The following MYO3A variants were observed in gnomAD, a reference collection of about 807,000 sequenced individuals.
MYO3A encodes the protein myosin IIIA.
In MYO3A, 180 loss-of-function variants were observed where a neutral mutation model predicts 192.7. That is an observed-to-expected ratio of 0.93 (90% CI 0.83 to 1.06). MYO3A has a LOEUF of 1.06. Among genes scored for constraint, MYO3A ranks in the 50% least tolerant of loss-of-function variants. MYO3A has a pLI of 0.00. For synonymous variants in MYO3A, 628 were observed against 645.3 expected (o/e 0.97, Z 0.41); for missense variants, 1,896 against 1,905.0 (o/e 1.00, Z 0.09).
intron 10 of MYO3A, among the ~76,000 whole-genome samples, chr10:26,064,143 G>C (rs147399144): frequency 2.6e-4 from 40 of 152,282 alleles, no homozygotes; most frequent in African/African-American, 9.1e-4. Context: ...AAATAGAGCA[G>C]GAAAAGGGTG....
intron 32 of MYO3A, among the ~76,000 whole-genome samples, chr10:26,194,243 G>C (rs1207268530): frequency 1.3e-5 from 2 of 152,106 alleles, no homozygotes; most frequent in Non-Finnish European, 2.9e-5. Flanking sequence ...CCATACCTTT[G>C]AGCATGCTCC....
chr10:26,174,621 A>G lies in MYO3A; in HGVS notation c.4293+64A>G. ...CTGGGAACTATACAATAACTGAATTAAACACATAATTAATAACTGGTAGAT... is the reference window on the plus strand; with the variant it reads ...CTGGGAACTATACAATAACTGAATTGAACACATAATTAATAACTGGTAGAT... On this transcript the variant is annotated intron_variant, in intron 30 of 34. Transcript: ENST00000642920. 2.2e-6 allele frequency: 3 copies of G among 1,342,722 alleles called. No individual in the cohort carries two copies. The South Asian group carries it at 3.8e-5, about 17-fold the overall frequency. The allele number at this position is 1,342,722 out of a possible 1,614,324, so 83.2% of individuals were successfully genotyped here.
At chr10:26,085,117 C>T (rs1298434374) in intron 14 of MYO3A, among the ~76,000 whole-genome samples, 4 of 152,124 alleles carry the variant, frequency 2.6e-5, no homozygotes, top group Admixed American at 6.5e-5. Context: ...TCTCTACTTT[C>T]ATTTTTTATT....
chr10:26,049,678 T>TTC (rs1433524795), intron 10 of MYO3A, among the ~76,000 whole-genome samples: 3 of 110,062 alleles, frequency 2.7e-5, no homozygotes, highest in East Asian at 2.1e-4. Flanking sequence ...TCTTTCTTTT[T>TTC]TTTTTTTTTT....
chr10:26,067,006 T>G lies in MYO3A; in HGVS notation c.985T>G (p.Phe329Val), dbSNP rs1476757206. Reference sequence around the variant, plus strand: ...ACGTATTCACACGAAGAAAGGGAACTTCAACCGACCTCTAATATCCAATCT... The same window carrying G: ...ACGTATTCACACGAAGAAAGGGAACGTCAACCGACCTCTAATATCCAATCT... ...RERIHTKKGNFNRPLISNLKD... is the reference protein window; with the variant it reads ...RERIHTKKGNVNRPLISNLKD... The change falls in exon 11 of 35, where the codon TTC (phenylalanine) becomes GTC (valine). Residue 329 changes from phenylalanine (F) to valine (V), a missense_variant. Physicochemically the swap from Phe to Val is conservative, Grantham distance 50. Coordinates refer to ENST00000642920, the MANE Select transcript of MYO3A (RefSeq NM_017433.5). The G allele has an allele frequency of 1.9e-6, 3 of 1,612,818 alleles. No individual in the cohort carries two copies. The highest frequency in any genetic ancestry group is 1.7e-6 in the Non-Finnish European group (2 of 1,178,942).
chr10:26,021,956 A>G (rs943462506), intron 8 of MYO3A: 4 of 383,032 alleles, frequency 1.0e-5, no homozygotes, highest in African/African-American at 4.2e-5. Flanking sequence ...GTGAGGCATC[A>G]GAGTCCATAG....
At chr10:25,953,298 A>G (rs12243371) in intron 3 of MYO3A, among the ~76,000 whole-genome samples, 5,714 of 151,768 alleles carry the variant, frequency 0.038, 402 homozygotes, top group African/African-American at 0.13. Flanking sequence ...ATTTTTTGAT[A>G]GTTTATTTCT....
intron 3 of MYO3A, 138 bp downstream of exon 3, chr10:25,952,416 A>T (rs1837266777): frequency 9.5e-7 from 1 of 1,053,014 alleles, no homozygotes; most frequent in African/African-American, 1.6e-5. Context: ...TGTAAAAGAG[A>T]AGTCTACTTA....
intron 10 of MYO3A, among the ~76,000 whole-genome samples, chr10:26,064,962 G>T (rs1834721757): frequency 6.6e-6 from 1 of 152,182 alleles, no homozygotes; most frequent in Non-Finnish European, 1.5e-5. Context: ...TGAATGAGTG[G>T]TGTGTAAGGC....
chr10:26,093,134 GATC>G (rs1564540342), intron 15 of MYO3A, among the ~76,000 whole-genome samples: 1 of 152,124 alleles, frequency 6.6e-6, no homozygotes, highest in Admixed American at 6.5e-5. Flanking sequence ...ATACAAATGT[GATC>G]ATGATTGTTA....
intron 20 of MYO3A, among the ~76,000 whole-genome samples, chr10:26,137,570 G>A (rs1485353179): frequency 2.6e-5 from 4 of 152,140 alleles, no homozygotes; most frequent in African/African-American, 7.2e-5. Flanking sequence ...GAATAACAGC[G>A]ATTTTAGGGA....
chr10:26,043,054 C>G (rs1395758539), intron 10 of MYO3A, among the ~76,000 whole-genome samples: 3 of 152,152 alleles, frequency 2.0e-5, no homozygotes, highest in Non-Finnish European at 4.4e-5. Context: ...GTGCTTCTTG[C>G]AGACTCATAG....
intron 26 of MYO3A, among the ~76,000 whole-genome samples, chr10:26,165,233 G>A (rs938355900): frequency 2.0e-5 from 3 of 152,072 alleles, no homozygotes; most frequent in Admixed American, 1.3e-4. Flanking sequence ...GCATGTCACC[G>A]TGCCACCTCA....
intron 31 of MYO3A, among the ~76,000 whole-genome samples, chr10:26,184,612 G>A (rs1029278602): frequency 1.3e-5 from 2 of 149,744 alleles, no homozygotes; most frequent in African/African-American, 4.9e-5. Context: ...TCTTCTGAAT[G>A]CAAAAAAGCG....
chr10:26,067,763 C>A (rs1252440367), intron 11 of MYO3A, among the ~76,000 whole-genome samples: 1 of 152,208 alleles, frequency 6.6e-6, no homozygotes, highest in Non-Finnish European at 1.5e-5. Flanking sequence ...TCCACGTAGT[C>A]AGATCATTAG....
chr10:26,098,433 A>G (rs943677018), intron 17 of MYO3A, among the ~76,000 whole-genome samples: 4 of 152,128 alleles, frequency 2.6e-5, no homozygotes, highest in Non-Finnish European at 5.9e-5. Context: ...CCATTTGTCA[A>G]TTTTGGCTTT....
At chr10:25,964,505 CCT>C (rs1838142057) in intron 4 of MYO3A, among the ~76,000 whole-genome samples, 1 of 152,104 alleles carries the variant, frequency 6.6e-6, no homozygotes, top group East Asian at 1.9e-4. Context: ...AGCTTTGTCC[CCT>C]GATTTTTAAC....
At chr10:25,993,841 C>A (rs1425354097) in intron 4 of MYO3A, among the ~76,000 whole-genome samples, 5 of 152,136 alleles carry the variant, frequency 3.3e-5, no homozygotes, top group Admixed American at 2.0e-4. Flanking sequence ...GTTTCTTAAT[C>A]CTGAGTTCTA....
intron 6 of MYO3A, among the ~76,000 whole-genome samples, chr10:26,003,063 A>G (rs1035858750): frequency 1.3e-5 from 2 of 152,182 alleles, no homozygotes; most frequent in African/African-American, 4.8e-5. Flanking sequence ...ATTATGTGAC[A>G]ATGAGAAAGT....
Sources: gnomAD v4.1 joint callset for allele counts (sites outside exome capture counted in the v4.1 genomes callset) on GRCh38, gnomAD v4.1.1 for gene constraint, MANE v1.5 for transcripts, NCBI Gene and HGNC (gene_info 2026-07-23, HGNC 2026-07-21) for gene names.